Variants in EPHA3 observed in about 807,000 individuals in gnomAD.
EPHA3 encodes the protein EPH receptor A3, also known as ephrin type-A receptor 3.
In EPHA3, 42 loss-of-function variants were observed where a neutral mutation model predicts 107.1. That is an observed-to-expected ratio of 0.39 (90% CI 0.31 to 0.51). EPHA3 has a LOEUF of 0.51. Among genes scored for constraint, EPHA3 ranks in the 20% least tolerant of loss-of-function variants. The probability of loss-of-function intolerance (pLI) is 0.78; values close to 1 mark genes in which losing one functional copy is unlikely to be tolerated. For synonymous variants in EPHA3, 461 were observed against 424.8 expected, an observed-to-expected ratio of 1.09 and a Z score of -1.05; for missense variants, 1,183 against 1,211.2, an observed-to-expected ratio of 0.98 and a Z score of 0.35.
chr3:89,342,581 G>A (rs1425328122), intron 5 of EPHA3, among the ~76,000 whole-genome samples: 1 of 151,900 alleles, frequency 6.6e-6, no homozygotes, highest in Non-Finnish European at 1.5e-5. Flanking sequence ...GATTACTTAT[G>A]GATTTTACTT....
intron 11 of EPHA3, among the ~76,000 whole-genome samples, chr3:89,426,126 GA>G (rs1709452251): frequency 6.6e-6 from 1 of 151,678 alleles, no homozygotes; most frequent in Non-Finnish European, 1.5e-5. Flanking sequence ...TGGGGTTTCT[GA>G]GAGCCGCAAA....
At chr3:89,200,950 G>T (rs537680683) in intron 2 of EPHA3, among the ~76,000 whole-genome samples, 5 of 152,232 alleles carry the variant, frequency 3.3e-5, no homozygotes, top group Admixed American at 6.5e-5. Flanking sequence ...TGCTGGGATA[G>T]GTTCCAGCCA....
chr3:89,198,335 A>G (rs2107154708), intron 2 of EPHA3, among the ~76,000 whole-genome samples: 1 of 152,302 alleles, frequency 6.6e-6, no homozygotes, highest in East Asian at 1.9e-4. Context: ...TGTTCACAAT[A>G]TCTCTAGAAA....
At chr3:89,326,405 T>C (rs2107389569) in intron 3 of EPHA3, among the ~76,000 whole-genome samples, 1 of 152,270 alleles carries the variant, frequency 6.6e-6, no homozygotes, top group East Asian at 1.9e-4. Flanking sequence ...CATCTTTTTT[T>C]TGAGACAAGA....
At chr3:89,182,762 A>G (rs1705471936) in intron 2 of EPHA3, among the ~76,000 whole-genome samples, 1 of 151,928 alleles carries the variant, frequency 6.6e-6, no homozygotes, top group South Asian at 2.1e-4. Flanking sequence ...ATATCTTTCT[A>G]CATCTGTACC....
At chr3:89,129,459 T>TA (rs1704156480) in intron 2 of EPHA3, among the ~76,000 whole-genome samples, 2 of 151,898 alleles carry the variant, frequency 1.3e-5, no homozygotes, top group Admixed American at 6.6e-5. Flanking sequence ...ACTCCGAAGC[T>TA]AAAAAAAAGA....
At chr3:89,154,160 A>G (rs1254498080) in intron 2 of EPHA3, among the ~76,000 whole-genome samples, 2 of 151,820 alleles carry the variant, frequency 1.3e-5, no homozygotes, top group Non-Finnish European at 2.9e-5. Flanking sequence ...ATCATCTTCT[A>G]ATATTCTCCT....
At position 89,450,215 on chromosome 3, in the gene EPHA3, C is replaced by G. The variant is rs1244649198; in HGVS notation, c.2535C>G (p.Pro845=). 2 of 1,610,848 alleles carry G rather than the reference C, an allele frequency of 1.2e-6. No homozygotes were observed. The highest frequency in any genetic ancestry group is 1.7e-5 in the Admixed American group (1 of 59,516). ...KAVDEGYRLP[P]PMDCPAALYQ... ...TAGATGAGGGCTATCGACTGCCACC[C>G]CCCATGGACTGCCCAGCTGCCTTGT... is the stretch of plus-strand genomic sequence containing the variant. The change falls in exon 15 of 17, where the codon CCC becomes CCG. Residue 845 remains proline (P), a synonymous_variant. Transcript: ENST00000336596.
intron 3 of EPHA3, among the ~76,000 whole-genome samples, chr3:89,287,239 G>T (rs1706109986): frequency 1.3e-5 from 2 of 151,862 alleles, no homozygotes; most frequent in African/African-American, 4.8e-5. Flanking sequence ...AACCCTGATT[G>T]GTTAGCATTA....
At chr3:89,375,041 G>A (rs1435588671) in intron 5 of EPHA3, among the ~76,000 whole-genome samples, 2 of 151,682 alleles carry the variant, frequency 1.3e-5, no homozygotes, top group Non-Finnish European at 2.9e-5. Context: ...TTGAGGCATC[G>A]ACGTTGCTGG....
intron 3 of EPHA3, among the ~76,000 whole-genome samples, chr3:89,287,235 GATT>G (rs565067613): frequency 7.2e-4 from 109 of 152,240 alleles, no homozygotes; most frequent in South Asian, 5.6e-3. Flanking sequence ...GAACAACCCT[GATT>G]GGTTAGCATT....
At chr3:89,346,626 G>T (rs1224997946) in intron 5 of EPHA3, among the ~76,000 whole-genome samples, 2 of 150,898 alleles carry the variant, frequency 1.3e-5, no homozygotes, top group Non-Finnish European at 3.0e-5. Context: ...ATTTTAATTA[G>T]ATCCCATTTG....
chr3:89,413,417 G>A (rs1183358633), intron 10 of EPHA3, 151 bp downstream of exon 10: 9 of 1,013,982 alleles, frequency 8.9e-6, no homozygotes, highest in South Asian at 6.0e-5. Flanking sequence ...TTAATGGAAT[G>A]TAATGAGTTC....
At chr3:89,317,435 G>A (rs1706934598) in intron 3 of EPHA3, among the ~76,000 whole-genome samples, 1 of 151,590 alleles carries the variant, frequency 6.6e-6, no homozygotes, top group Non-Finnish European at 1.5e-5. Flanking sequence ...GGTGGAGAGG[G>A]ATATGTGTAA....
intron 5 of EPHA3, among the ~76,000 whole-genome samples, chr3:89,345,804 C>T (rs1338286029): frequency 1.6e-5 from 2 of 124,736 alleles, no homozygotes. Flanking sequence ...GTGTGATATT[C>T]CCCTTCCTGT....
rs1706780542 is a variant in EPHA3 at position 89,312,247 on chromosome 3, G to A, written c.815-28669G>A. Among the ~76,000 whole-genome samples the A allele has an allele frequency of 2.6e-5, 4 of 151,846 alleles. No individual in the cohort carries two copies. In the South Asian group the frequency reaches 6.2e-4, roughly 24 times the overall value. On this transcript the variant is annotated intron_variant, in intron 3 of 16. Coordinates refer to ENST00000336596, the MANE Select transcript of EPHA3 (RefSeq NM_005233.6). ...TAGTGCACTTAAAGATTATAATAAT[G>A]TTTGTCTTTGATTTTTATTTATTAA...
At chr3:89,371,733 C>T (rs1559669287) in intron 5 of EPHA3, among the ~76,000 whole-genome samples, 1 of 151,582 alleles carries the variant, frequency 6.6e-6, no homozygotes, top group Non-Finnish European at 1.5e-5. Context: ...CACACACACA[C>T]ACACACACAA....
chr3:89,197,042 A>G (rs1311402068), intron 2 of EPHA3, among the ~76,000 whole-genome samples: 1 of 152,100 alleles, frequency 6.6e-6, no homozygotes, highest in African/African-American at 2.4e-5. Flanking sequence ...TGACCTTTTT[A>G]TGACATGATT....
At chr3:89,278,350 T>G (rs1479578054) in intron 3 of EPHA3, among the ~76,000 whole-genome samples, 1 of 152,174 alleles carries the variant, frequency 6.6e-6, no homozygotes, top group South Asian at 2.1e-4. Context: ...CCAGAGAAGC[T>G]TGGCTCTTCC....
Sources: gnomAD v4.1 joint callset for allele counts (sites outside exome capture counted in the v4.1 genomes callset) on GRCh38, gnomAD v4.1.1 for gene constraint, MANE v1.5 for transcripts, NCBI Gene and HGNC (gene_info 2026-07-23, HGNC 2026-07-21) for gene names.